The following BLTP2 variants were observed in gnomAD, a reference collection of about 807,000 sequenced individuals.
BLTP2 encodes bridge-like lipid transfer protein family member 2.
the BLTP2 span, chr17:28,620,117 G>T: frequency 1.8e-6 from 2 of 1,085,404 alleles, no homozygotes; most frequent in Non-Finnish European, 2.6e-6. Context: ...GTCTCTTCTA[G>T]AAAGCTAACC....
the BLTP2 span, chr17:28,641,926 C>A: frequency 6.2e-7 from 1 of 1,613,976 alleles, no homozygotes; most frequent in Non-Finnish European, 8.5e-7. Context: ...GGCTTGGGCC[C>A]TGGCACAGCA....
At chr17:28,616,739 A>AG in the BLTP2 span, 1 of 1,614,226 alleles carries the variant, frequency 6.2e-7, no homozygotes, top group Non-Finnish European at 8.5e-7. The surrounding 1 kb of genome is among the most constrained non-coding windows in gnomAD (Gnocchi z 4.8). Flanking sequence ...GGATGGTGAG[A>AG]GGCACCACAT....
the BLTP2 span, chr17:28,640,589 G>A: frequency 3.7e-6 from 6 of 1,614,014 alleles, no homozygotes; most frequent in East Asian, 4.5e-5. Context: ...ACAATACCAC[G>A]CTTGTGTTCT....
the BLTP2 span, chr17:28,617,210 G>A: frequency 1.9e-6 from 3 of 1,600,152 alleles, no homozygotes; most frequent in Non-Finnish European, 1.7e-6. Context: ...AAATGGACTA[G>A]GAAAGGGGAA....
chr17:28,620,665 A>G, the BLTP2 span: 3 of 1,609,392 alleles, frequency 1.9e-6, no homozygotes, highest in Non-Finnish European at 1.7e-6. Context: ...AAAAGGCTCA[A>G]GTTTCTACCT....
At chr17:28,616,102 G>A in the BLTP2 span, 3 of 1,613,020 alleles carry the variant, frequency 1.9e-6, no homozygotes, top group Non-Finnish European at 2.5e-6. This position sits in a 1 kb window ranked among gnomAD's most constrained non-coding sequence, Gnocchi z 4.8. Context: ...AGACCTTGTA[G>A]CTGACACACA....
the BLTP2 span, chr17:28,644,985 T>C: frequency 6.4e-7 from 1 of 1,574,326 alleles, no homozygotes; most frequent in South Asian, 1.2e-5. Context: ...CCGGGAACCC[T>C]CACCGGCCTA....
At chr17:28,633,718 G>A in the BLTP2 span, 24 of 1,614,012 alleles carry the variant, frequency 1.5e-5, no homozygotes, top group Non-Finnish European at 2.0e-5. Flanking sequence ...ATCCCAGCAT[G>A]GGCCCCACAC....
At chr17:28,644,895 T>G in the BLTP2 span, 14 of 970,516 alleles carry the variant, frequency 1.4e-5, no homozygotes, top group African/African-American at 1.7e-5. Flanking sequence ...CGCGCCTCAG[T>G]AAGGCGCGCG....
chr17:28,638,054 G>A, the BLTP2 span: 3 of 1,614,218 alleles, frequency 1.9e-6, no homozygotes, highest in Admixed American at 3.3e-5. Context: ...AAGGGTATCT[G>A]ACTGGGTGCT....
chr17:28,631,559 C>T, the BLTP2 span: 1 of 1,613,970 alleles, frequency 6.2e-7, no homozygotes, highest in African/African-American at 1.3e-5. Flanking sequence ...ACCAAGGGAT[C>T]AAGACAGTGA....
the BLTP2 span, chr17:28,635,684 A>G: frequency 1.4e-6 from 2 of 1,439,550 alleles, no homozygotes; most frequent in Admixed American, 2.3e-5. Context: ...ATTATGACAC[A>G]TGCACACCTG....
the BLTP2 span, among the ~76,000 whole-genome samples, chr17:28,625,582 C>G: frequency 6.6e-6 from 1 of 152,116 alleles, no homozygotes; most frequent in Non-Finnish European, 1.5e-5. Flanking sequence ...TGTTTAGTCT[C>G]AGGCTCTATT....
At chr17:28,637,194 C>T in the BLTP2 span, 4 of 1,601,302 alleles carry the variant, frequency 2.5e-6, no homozygotes, top group Non-Finnish European at 3.4e-6. Context: ...ACCATGTCAG[C>T]CTTGGTTCCC....
the BLTP2 span, chr17:28,634,703 C>T: frequency 3.1e-6 from 5 of 1,614,162 alleles, no homozygotes; most frequent in Non-Finnish European, 3.4e-6. Flanking sequence ...GTAAGCAGTG[C>T]CCGGCGCATG....
chr17:28,616,268 T>C, the BLTP2 span: 1 of 1,599,206 alleles, frequency 6.3e-7, no homozygotes, highest in Non-Finnish European at 8.6e-7. The surrounding 1 kb of genome is among the most constrained non-coding windows in gnomAD (Gnocchi z 4.8). Context: ...AACATCTCCC[T>C]CTTCTTTTAT....
chr17:28,624,342 A>G, the BLTP2 span: 2 of 1,613,924 alleles, frequency 1.2e-6, no homozygotes, highest in East Asian at 2.2e-5. Context: ...TTCTGTGAAC[A>G]CTACAAACCT....
the BLTP2 span, chr17:28,631,728 T>C: frequency 5.6e-6 from 9 of 1,607,350 alleles, no homozygotes; most frequent in Non-Finnish European, 7.7e-6. Context: ...GTTCAGAGGA[T>C]AGTGTAAGAC....
At chr17:28,637,085 C>G in the BLTP2 span, 2 of 1,614,128 alleles carry the variant, frequency 1.2e-6, no homozygotes, top group Non-Finnish European at 1.7e-6. Context: ...ATTTCACCAG[C>G]GCTAACACAA....
Sources: gnomAD v4.1 joint callset for allele counts (sites outside exome capture counted in the v4.1 genomes callset) on GRCh38, gnomAD v4.1.1 for gene constraint, Gnocchi (gnomAD v3.1) non-coding constraint, MANE v1.5 for transcripts, NCBI Gene and HGNC (gene_info 2026-07-23, HGNC 2026-07-21) for gene names.